RNPEP: variants seen among roughly 807,000 people sequenced by gnomAD.
RNPEP encodes aminopeptidase B.
RNPEP carries 57 observed loss-of-function variants against 70.1 expected under a neutral mutation model. That is an observed-to-expected ratio of 0.81 (90% confidence interval 0.66 to 1.01). The LOEUF is 1.01. RNPEP is among the 50% of genes least tolerant of loss of function. The probability of loss-of-function intolerance (pLI) is 0.00; values close to 1 mark genes in which losing one functional copy is unlikely to be tolerated. For missense variants in RNPEP, 787 were observed against 852.4 expected (o/e 0.92, Z 0.96); for synonymous variants, 335 against 357.4 (o/e 0.94, Z 0.71).
At chr1:201,986,591 A>G (rs1385211160) in intron 1 of RNPEP, among the ~76,000 whole-genome samples, 1 of 139,524 alleles carries the variant, frequency 7.2e-6, no homozygotes, top group Non-Finnish European at 1.5e-5. Flanking sequence ...CCCAGGCTGG[A>G]CTGCAGTGGT....
At chr1:201,984,846 T>TG (rs1558258096) in intron 1 of RNPEP, among the ~76,000 whole-genome samples, 1 of 129,144 alleles carries the variant, frequency 7.7e-6, no homozygotes, top group African/African-American at 2.9e-5. Flanking sequence ...TTTTTTTTTT[T>TG]TTTTTTTTTT....
Position 201,982,672 on chromosome 1 carries a change from G to T in RNPEP, c.6G>T (p.Ala2=). ...TGAGCAACGGCTCTGCGGCCATGGC[G>T]AGCGGCGAGCATTCCCCCGGCAGCG... M[A]SGEHSPGSGA... The change falls in exon 1 of 11, where the codon GCG becomes GCT. Residue 2 remains alanine (A), a synonymous_variant. Transcript: ENST00000295640. 9 of 1,372,824 alleles carry T rather than the reference G, an allele frequency of 6.6e-6. No individual in the cohort carries two copies. Among genetic ancestry groups the T allele is most frequent in the South Asian group, 1.7e-5 (1 of 60,192 alleles). 85.0% of individuals were successfully genotyped at this position (1,372,824 alleles called of 1,614,324 possible). A position where few individuals can be genotyped will look rare whatever the true frequency, so the allele number is the denominator to read the frequency against.
chr1:201,983,963 C>T, intron 1 of RNPEP: 1 of 807,800 alleles, frequency 1.2e-6, no homozygotes, highest in Non-Finnish European at 1.5e-6. Context: ...GGCAGAGTCT[C>T]ACTCTCGTCC....
Position 202,003,473 on chromosome 1 carries a change from T to G in RNPEP, c.1651+12T>G. 6.3e-7 allele frequency: 1 copy of G among 1,589,094 alleles called. No homozygotes were observed. The highest frequency in any genetic ancestry group is 8.6e-7 in the Non-Finnish European group (1 of 1,159,074). On this transcript the variant is annotated intron_variant, in intron 9 of 10. Transcript: ENST00000295640. ...CCCTCTCCCTCCTGGTAAGAAAAAA[T>G]GGTGAACCAGGGCTCCTTGTGTGCA...
At chr1:201,993,856 G>A (rs1683440081) in intron 3 of RNPEP, among the ~76,000 whole-genome samples, 1 of 152,072 alleles carries the variant, frequency 6.6e-6, no homozygotes, top group Non-Finnish European at 1.5e-5. Context: ...TCCCTCTGTA[G>A]CCAGGTGACT....
Position 202,005,658 on chromosome 1 carries a change from A to G in RNPEP, c.1895A>G (p.Gln632Arg). ...AKETFASTAS[Q>R]LHSNVVNYVQ... The stretch of plus-strand genomic sequence containing the variant: ...GAGACTTTTGCATCCACCGCCTCCC[A>G]GCTCCACAGCAATGTTGTCAACTAT... The change falls in exon 11 of 11, where the codon CAG (glutamine) becomes CGG (arginine). Residue 632 changes from glutamine to arginine, a missense_variant. Coordinates refer to ENST00000295640, the MANE Select transcript of RNPEP (RefSeq NM_020216.4). The G allele has an allele frequency of 6.2e-7, 1 of 1,614,192 alleles. No individual in the cohort carries two copies. Among genetic ancestry groups the G allele is most frequent in the Non-Finnish European group, 8.5e-7 (1 of 1,180,036 alleles).
chr1:201,983,528 T>C (rs1391449698), intron 1 of RNPEP: 1 of 1,321,004 alleles, frequency 7.6e-7, no homozygotes, highest in East Asian at 5.2e-5. Flanking sequence ...TACCTGATTA[T>C]CAGCCACCTT....
At chr1:201,996,941 T>C (rs1265894074) in intron 4 of RNPEP, among the ~76,000 whole-genome samples, 1 of 152,190 alleles carries the variant, frequency 6.6e-6, no homozygotes, top group Non-Finnish European at 1.5e-5. Context: ...CTTCAGACTT[T>C]AGGCTCCTTA....
At chr1:201,994,833 A>ATTTTTTTTTT (rs34077790) in intron 3 of RNPEP, among the ~76,000 whole-genome samples, 1 of 85,210 alleles carries the variant, frequency 1.2e-5, no homozygotes, top group Non-Finnish European at 2.2e-5. Flanking sequence ...TGTCCTGCTA[A>ATTTTTTTTTT]TTTTTTTTTT....
At chr1:201,992,721 C>G (rs1373076346) in intron 3 of RNPEP, among the ~76,000 whole-genome samples, 1 of 152,142 alleles carries the variant, frequency 6.6e-6, no homozygotes, top group Non-Finnish European at 1.5e-5. Flanking sequence ...TGTCCCAGTC[C>G]CTTGTTATAC....
rs1243035468 is a variant in RNPEP, at chr1:201,996,170, G to A, written c.761G>A (p.Cys254Tyr). ...GPRSRVWAEP[C>Y]LIDAAKEEYN... ...AGGAGCCGGGTGTGGGCTGAGCCCT[G>A]CCTGATTGATGCTGCCAAGGAGGAG... The change falls in exon 4 of 11, where the codon TGC (cysteine) becomes TAC (tyrosine). Residue 254 changes from cysteine (C) to tyrosine (Y), a missense_variant. By Grantham distance (194) the Cys-to-Tyr change is radical (BLOSUM62 -2). Coordinates refer to ENST00000295640, the MANE Select transcript of RNPEP (RefSeq NM_020216.4). The A allele has an allele frequency of 6.8e-6, 11 of 1,614,036 alleles. No homozygotes were observed. The highest frequency in any genetic ancestry group is 9.3e-6 in the Non-Finnish European group (11 of 1,180,022).
At position 201,982,833 on chromosome 1, in the gene RNPEP, G is replaced by T; in HGVS notation, c.167G>T (p.Ser56Ile). ...EFGPPGPGAG[S>I]RGLSGTAVLD... ...GGGCCTCCAGGGCCCGGCGCAGGGA[G>T]CCGGGGGCTGAGCGGCACCGCGGTC... is the stretch of plus-strand genomic sequence containing the variant. Residue 56 changes from serine to isoleucine, a missense_variant, in exon 1 of 11, where the codon AGC (serine) becomes ATC (isoleucine). Transcript: ENST00000295640. The T allele has an allele frequency of 7.4e-7, 1 of 1,342,436 alleles. No homozygotes were observed. Among genetic ancestry groups the T allele is most frequent in the Non-Finnish European group, 9.5e-7 (1 of 1,048,080 alleles). The allele number at this position is 1,342,436 out of a possible 1,614,324, so 83.2% of individuals were successfully genotyped here. A position where few individuals can be genotyped will look rare whatever the true frequency, so the allele number is the denominator to read the frequency against.
At chr1:201,986,293 C>T (rs182014680) in intron 1 of RNPEP, among the ~76,000 whole-genome samples, 1 of 152,094 alleles carries the variant, frequency 6.6e-6, no homozygotes, top group African/African-American at 2.4e-5. Context: ...CAGGGTCCCC[C>T]TATGTTGCCC....
At position 202,000,893 on chromosome 1, in the gene RNPEP, T is replaced by TAA. The variant is rs35891956; in HGVS notation, c.1205-465_1205-464dup. On this transcript the variant is annotated intron_variant, in intron 6 of 10. Transcript: ENST00000295640. ...TGGGTGATAGAGCAAGACTCCGTCT[T>TAA]AAAAAAAAAAAAAAAAAAACATTGA... 470 of 134,338 alleles carry TAA rather than the reference T, an allele frequency of 3.5e-3. 3 individuals are homozygous for TAA. The highest frequency in any genetic ancestry group is 0.012 in the African/African-American group (415 of 35,164). 8.3% of individuals were successfully genotyped at this position (134,338 alleles called of 1,614,324 possible). A position where few individuals can be genotyped will look rare whatever the true frequency, so the allele number is the denominator to read the frequency against.
rs539076652 is a variant in RNPEP, at chr1:201,985,881, T to C, written c.447+2768T>C. 2.0e-5 allele frequency among the ~76,000 whole-genome samples: 3 copies of C among 152,368 alleles called. No individual in the cohort carries two copies. The East Asian group carries it at 5.8e-4, about 29-fold the overall frequency. ...TAGCTGTCATGTATCCTCTTGGGAC[T>C]GTGACAGTTTCTCAAACTTTCCTTG... On this transcript the variant is annotated intron_variant, in intron 1 of 10. Coordinates refer to ENST00000295640, the MANE Select transcript of RNPEP (RefSeq NM_020216.4).
chr1:201,994,632 T>A (rs1447208724), intron 3 of RNPEP, among the ~76,000 whole-genome samples: 1 of 151,354 alleles, frequency 6.6e-6, no homozygotes. Context: ...TTTTCCCTCA[T>A]CCGGGCCTGG....
At chr1:202,000,068 C>G in intron 6 of RNPEP, 53 bp downstream of exon 6, 2 of 1,351,952 alleles carry the variant, frequency 1.5e-6, no homozygotes, top group Non-Finnish European at 2.1e-6. Flanking sequence ...AGCTTGGAGC[C>G]CCAAGTTAAT....
chr1:201,996,151 C>T lies in RNPEP; in HGVS notation c.742C>T (p.Arg248Trp), dbSNP rs757966392. The part of the protein sequence containing the change: ...LVSAEVGPRS[R>W]VWAEPCLIDA... ...TCTCTGCTCTCTTGTCTTTAGGAGC[C>T]GGGTGTGGGCTGAGCCCTGCCTGAT... Residue 248 changes from arginine to tryptophan, a missense_variant, in exon 4 of 11, where the codon CGG becomes TGG. Coordinates refer to ENST00000295640, the MANE Select transcript of RNPEP (RefSeq NM_020216.4). 5.5e-5 allele frequency: 89 copies of T among 1,613,096 alleles called. No homozygotes were observed. Among genetic ancestry groups the T allele is most frequent in the East Asian group, 2.0e-4 (9 of 44,876 alleles).
intron 3 of RNPEP, among the ~76,000 whole-genome samples, chr1:201,990,158 T>C (rs1468052954): frequency 6.6e-6 from 1 of 152,224 alleles, no homozygotes; most frequent in Non-Finnish European, 1.5e-5. Flanking sequence ...GAAATGGATC[T>C]TTATTAATAT....
Sources: allele counts gnomAD v4.1 joint callset (sites outside exome capture counted in the v4.1 genomes callset), GRCh38; gene constraint gnomAD v4.1.1; transcripts MANE v1.5; gene names NCBI Gene and HGNC (gene_info 2026-07-23, HGNC 2026-07-21).